The following PDE4D variants were observed in gnomAD, a reference collection of about 807,000 sequenced individuals.
PDE4D encodes phosphodiesterase 4D.
Under a neutral mutation model 87.4 loss-of-function variants are expected in PDE4D, and 24 were observed. The ratio of observed to expected loss-of-function variants is 0.27; its 90% CI spans 0.20 to 0.39. The LOEUF (loss-of-function observed/expected upper bound fraction) is 0.39. Among genes scored for constraint, PDE4D ranks in the 10% least tolerant of loss-of-function variants. The pLI is 1.00. For missense variants in PDE4D, 714 were observed against 1,041.0 expected, an observed-to-expected ratio of 0.69 and a Z score of 4.32; for synonymous variants, 384 against 383.2, an observed-to-expected ratio of 1.00 and a Z score of -0.02.
intron 3 of PDE4D, among the ~76,000 whole-genome samples, chr5:59,901,029 T>C (rs1160408510): frequency 6.6e-6 from 1 of 152,192 alleles, no homozygotes; most frequent in Admixed American, 6.5e-5. Flanking sequence ...AAAGCTCCCA[T>C]TAAATTGACT....
At chr5:59,125,214 T>A (rs1241726983) in intron 5 of PDE4D, 1 of 877,868 alleles carries the variant, frequency 1.1e-6, no homozygotes, top group South Asian at 5.2e-5. Flanking sequence ...CTGGTGTCCA[T>A]AATCAAATTT....
intron 1 of PDE4D, among the ~76,000 whole-genome samples, chr5:59,254,883 G>A (rs1274002116): frequency 6.6e-6 from 1 of 151,916 alleles, no homozygotes; most frequent in South Asian, 2.1e-4. Flanking sequence ...TCCATAACTG[G>A]GAACATTGTG....
chr5:59,112,607 T>TCCAATCTTGGAA (rs1772856745), intron 5 of PDE4D, among the ~76,000 whole-genome samples: 1 of 152,070 alleles, frequency 6.6e-6, no homozygotes, highest in African/African-American at 2.4e-5. Flanking sequence ...ATGTATTAGA[T>TCCAATCTTGGAA]ACGAGATGTT....
chr5:59,138,420 T>G (rs1169232209), intron 5 of PDE4D, among the ~76,000 whole-genome samples: 1 of 152,180 alleles, frequency 6.6e-6, no homozygotes, highest in East Asian at 1.9e-4. Context: ...CCTGAGTAGC[T>G]GGGACTACAG....
In PDE4D at chr5:60,342,585, G is replaced by A. The variant is rs116011037; in HGVS notation, c.-90+145357C>T. On this transcript the variant is annotated intron_variant, in intron 1 of 16. Transcript: ENST00000502484. ...ATTATCTTTTATTATTACTTAGTTG[G>A]GATCTGGTCTTAAAGGTGAAGAATA... Among the ~76,000 whole-genome samples, 979 of 152,134 alleles carry A rather than the reference G, an allele frequency of 6.4e-3. 7 individuals carry two copies. Among genetic ancestry groups the A allele is most frequent in the African/African-American group, 0.023 (943 of 41,504 alleles).
chr5:59,630,875 A>T (rs191107967), intron 1 of PDE4D, among the ~76,000 whole-genome samples: 224 of 152,268 alleles, frequency 1.5e-3, no homozygotes, highest in African/African-American at 5.1e-3. Flanking sequence ...GCTAATTATG[A>T]GGTGTAGACC....
chr5:59,626,438 C>G (rs298046), intron 1 of PDE4D, among the ~76,000 whole-genome samples: 119,542 of 152,164 alleles, frequency 0.79, 47,021 homozygotes, highest in South Asian at 0.91. Flanking sequence ...TTGAACCATG[C>G]ATTTCTTTAT....
At chr5:59,701,841 C>T (rs1013292069) in intron 1 of PDE4D, among the ~76,000 whole-genome samples, 2 of 152,162 alleles carry the variant, frequency 1.3e-5, no homozygotes, top group Non-Finnish European at 2.9e-5. Context: ...AGCTCAATTC[C>T]TCTACAGCTT....
chr5:59,429,131 C>T (rs145521359), intron 1 of PDE4D, among the ~76,000 whole-genome samples: 2,325 of 152,160 alleles, frequency 0.015, 73 homozygotes, highest in African/African-American at 0.054. Context: ...GTAATATGAA[C>T]AGGGACATTA....
At chr5:59,699,342 A>C (rs1000161488) in intron 1 of PDE4D, among the ~76,000 whole-genome samples, 1 of 152,180 alleles carries the variant, frequency 6.6e-6, no homozygotes, top group African/African-American at 2.4e-5. Flanking sequence ...GTACGTCAAC[A>C]ATTAAAAGAA....
At chr5:59,322,235 TTCAA>T (rs1301281800) in intron 1 of PDE4D, among the ~76,000 whole-genome samples, 4 of 152,112 alleles carry the variant, frequency 2.6e-5, no homozygotes, top group Non-Finnish European at 5.9e-5. Context: ...AGGAAAATAG[TTCAA>T]TCATTTTTTA....
chr5:59,982,185 G>A (rs561395833), intron 3 of PDE4D, among the ~76,000 whole-genome samples: 1 of 152,078 alleles, frequency 6.6e-6, no homozygotes, highest in East Asian at 1.9e-4. Flanking sequence ...ATAGTGATAC[G>A]AAGGTACACA....
At chr5:59,490,832 C>T (rs895358288) in intron 1 of PDE4D, among the ~76,000 whole-genome samples, 7 of 152,200 alleles carry the variant, frequency 4.6e-5, no homozygotes, top group East Asian at 1.9e-4. Context: ...GTAAAAGGCT[C>T]ATTTCTCCCA....
chr5:60,029,535 T>C lies in PDE4D; in HGVS notation c.43-40818A>G, dbSNP rs139595529. On this transcript the variant is annotated intron_variant, in intron 2 of 16. Coordinates refer to the PDE4D transcript ENST00000502484. ...ATGTCTCATGTCTCTCTAAAATGTA[T>C]AAAACTAAGCTATGCCCTAACCACC... 3.2e-4 allele frequency among the ~76,000 whole-genome samples: 48 copies of C among 152,286 alleles called. 1 individual carries two copies. Among genetic ancestry groups the C allele is most frequent in the African/African-American group, 1.1e-3 (46 of 41,566 alleles).
intron 1 of PDE4D, among the ~76,000 whole-genome samples, chr5:60,369,415 A>C (rs149876546): frequency 6.6e-6 from 1 of 152,150 alleles, no homozygotes; most frequent in East Asian, 1.9e-4. Context: ...TGGGTTCAGA[A>C]CCCACAGAAA....
chr5:59,493,870 T>A (rs1023327785), intron 1 of PDE4D, among the ~76,000 whole-genome samples: 2 of 152,196 alleles, frequency 1.3e-5, no homozygotes, highest in East Asian at 3.8e-4. Context: ...CACAGCATTA[T>A]GGGAAAAGGT....
Position 59,790,576 on chromosome 5 carries a change from C to CTACG in PDE4D, c.455+102588_455+102591dup, listed in dbSNP as rs1397631266. Among the ~76,000 whole-genome samples, 6 of 152,272 alleles carry CTACG rather than the reference C, an allele frequency of 3.9e-5. No homozygotes were observed. In the South Asian group the frequency reaches 1.0e-3, roughly 26 times the overall value. On this transcript the variant is annotated intron_variant, in intron 1 of 14. Transcript: ENST00000340635. ...AGGATGTGTGACTAAAGCTGTTGAC[C>CTACG]TACGACCAGCTAACTCACCTCAGAA...
At chr5:59,757,066 G>C (rs1279981483) in intron 1 of PDE4D, among the ~76,000 whole-genome samples, 1 of 152,056 alleles carries the variant, frequency 6.6e-6, no homozygotes, top group African/African-American at 2.4e-5. Context: ...CCAAAGTGCT[G>C]GGATTACAGG....
chr5:59,171,227 C>T (rs889773654), intron 5 of PDE4D, among the ~76,000 whole-genome samples: 1 of 152,246 alleles, frequency 6.6e-6, no homozygotes, highest in Middle Eastern at 3.4e-3. Flanking sequence ...CTGCTCTAAT[C>T]AACCCCCAAG....
Sources: gnomAD v4.1 joint callset for allele counts (sites outside exome capture counted in the v4.1 genomes callset) on GRCh38, gnomAD v4.1.1 for gene constraint, MANE v1.5 for transcripts, NCBI Gene and HGNC (gene_info 2026-07-23, HGNC 2026-07-21) for gene names.